PEX14: variants seen among roughly 807,000 people sequenced by gnomAD.
PEX14 encodes the protein peroxisomal membrane protein PEX14.
In PEX14, 15 loss-of-function variants were observed where a neutral mutation model predicts 49.5. The observed-to-expected ratio is 0.30, with a 90% CI of 0.20 to 0.47. The LOEUF (loss-of-function observed/expected upper bound fraction) is 0.47. Among genes scored for constraint, PEX14 ranks in the 20% least tolerant of loss-of-function variants. The pLI, the probability that PEX14 is intolerant of heterozygous loss-of-function variation, is 1.00. For missense variants in PEX14, 398 were observed against 494.8 expected, an observed-to-expected ratio of 0.80 and a Z score of 1.86; for synonymous variants, 210 against 212.7, an observed-to-expected ratio of 0.99 and a Z score of 0.11.
intron 3 of PEX14, among the ~76,000 whole-genome samples, chr1:10,593,812 G>A (rs533538192): frequency 2.0e-5 from 3 of 152,310 alleles, no homozygotes; most frequent in African/African-American, 2.4e-5. Context: ...AATAGAAGCC[G>A]TTGGCTTAAA....
intron 2 of PEX14, among the ~76,000 whole-genome samples, chr1:10,526,652 C>T (rs1469578224): frequency 4.6e-5 from 7 of 152,074 alleles, no homozygotes. Flanking sequence ...TGGATTTTTT[C>T]AGATTTTGGA....
At chr1:10,502,499 G>A (rs1641699212) in intron 2 of PEX14, among the ~76,000 whole-genome samples, 2 of 152,134 alleles carry the variant, frequency 1.3e-5, no homozygotes, top group Non-Finnish European at 1.5e-5. Context: ...TAAATGAAGA[G>A]GTTGCTTTCC....
At chr1:10,528,930 C>T (rs1415564151) in intron 2 of PEX14, among the ~76,000 whole-genome samples, 2 of 152,208 alleles carry the variant, frequency 1.3e-5, no homozygotes, top group Non-Finnish European at 2.9e-5. Context: ...GCATTTTCCT[C>T]CTCTTTTCAG....
At chr1:10,573,058 G>C (rs775421234) in intron 3 of PEX14, among the ~76,000 whole-genome samples, 8 of 152,190 alleles carry the variant, frequency 5.3e-5, no homozygotes, top group Admixed American at 2.0e-4. Context: ...CAGAAAAAAG[G>C]TAATGAATTG....
chr1:10,569,201 A>G (rs1344451214), intron 3 of PEX14, among the ~76,000 whole-genome samples: 1 of 152,238 alleles, frequency 6.6e-6, no homozygotes, highest in African/African-American at 2.4e-5. Flanking sequence ...ATAAATGTGA[A>G]AAGTATGTAA....
In PEX14 at chr1:10,535,887, A is replaced by G. The variant is rs1397343848; in HGVS notation, c.85-326A>G. 5 of 378,924 alleles carry G rather than the reference A, an allele frequency of 1.3e-5. No individual in the cohort carries two copies. In the Admixed American group the frequency reaches 1.8e-4, roughly 14 times the overall value. 23.5% of individuals were successfully genotyped at this position (378,924 alleles called of 1,614,324 possible). On this transcript the variant is annotated intron_variant, in intron 2 of 8. Transcript: ENST00000356607. ...CAGCATACAGGGCACAAGGGCGGCG[A>G]CATGGGTGCGCATGGCCACACCTGC...
intron 1 of PEX14, among the ~76,000 whole-genome samples, chr1:10,491,244 TAAA>T (rs200303853): frequency 6.6e-6 from 1 of 151,340 alleles, no homozygotes; most frequent in East Asian, 2.0e-4. Context: ...ATTAAAAAAA[TAAA>T]AAAAAGGCCA....
intron 3 of PEX14, among the ~76,000 whole-genome samples, chr1:10,573,982 TTCCCTGC>T (rs1319487633): frequency 1.3e-5 from 2 of 152,098 alleles, no homozygotes. Flanking sequence ...ATACCTGTAA[TTCCCTGC>T]TACTCCGGAG....
In PEX14 at chr1:10,518,875, T is replaced by C. The variant is rs150204285; in HGVS notation, c.85-17338T>C. Among the ~76,000 whole-genome samples, 346 of 152,204 alleles carry C rather than the reference T, an allele frequency of 2.3e-3. 2 individuals carry two copies. The highest frequency in any genetic ancestry group is 3.8e-3 in the Non-Finnish European group (256 of 68,002). ...TCCTTGATTTACAGTGCTCAGCTTGTTAGTGCCGGTGAAGGGGAGAGATGG... is the reference window on the plus strand; with the variant it reads ...TCCTTGATTTACAGTGCTCAGCTTGCTAGTGCCGGTGAAGGGGAGAGATGG... On this transcript the variant is annotated intron_variant, in intron 2 of 8. Transcript: ENST00000356607.
intron 4 of PEX14, among the ~76,000 whole-genome samples, chr1:10,609,527 T>C (rs1415826247): frequency 6.6e-6 from 1 of 152,218 alleles, no homozygotes; most frequent in African/African-American, 2.4e-5. Context: ...CCTTTTCCCC[T>C]GCCTCTGGTT....
intron 3 of PEX14, among the ~76,000 whole-genome samples, chr1:10,587,652 A>T (rs573630013): frequency 1.3e-5 from 2 of 152,214 alleles, no homozygotes; most frequent in Non-Finnish European, 2.9e-5. Flanking sequence ...CAAGTGGTAT[A>T]TTCAAGGTCC....
chr1:10,535,257 C>T (rs1174803743), intron 2 of PEX14, among the ~76,000 whole-genome samples: 1 of 152,198 alleles, frequency 6.6e-6, no homozygotes, highest in Non-Finnish European at 1.5e-5. Context: ...ACAAGCCAGG[C>T]GTAAACACAC....
At chr1:10,526,905 T>C (rs1012558616) in intron 2 of PEX14, among the ~76,000 whole-genome samples, 16 of 152,082 alleles carry the variant, frequency 1.1e-4, no homozygotes, top group African/African-American at 3.9e-4. Flanking sequence ...TCTTCTGTTT[T>C]CTGGTGGGTC....
chr1:10,588,415 G>A (rs1376125231), intron 3 of PEX14, among the ~76,000 whole-genome samples: 1 of 152,112 alleles, frequency 6.6e-6, no homozygotes, highest in African/African-American at 2.4e-5. Flanking sequence ...GCAGGAGTGG[G>A]AAGGAGACTG....
chr1:10,586,628 C>CTTT lies in PEX14; in HGVS notation c.170-12583_170-12581dup, dbSNP rs35743829. On this transcript the variant is annotated intron_variant, in intron 3 of 8. Coordinates refer to ENST00000356607, the MANE Select transcript of PEX14 (RefSeq NM_004565.3). ...ATGTTGAACAAAAGGAGCCGTTTAC[C>CTTT]TTTTTTTTTTTTTTTTTTTTTTTTT... is the stretch of plus-strand genomic sequence containing the variant. Among the ~76,000 whole-genome samples, 129 of 93,052 alleles carry CTTT rather than the reference C, an allele frequency of 1.4e-3. 4 individuals are homozygous for CTTT. The highest frequency in any genetic ancestry group is 2.1e-3 in the Non-Finnish European group (96 of 44,886). 61.0% of individuals were successfully genotyped at this position (93,052 alleles called of 152,430 possible).
Position 10,626,416 on chromosome 1 carries a change from G to GT in PEX14, c.586-852dup, listed in dbSNP as rs1641746423. Among the ~76,000 whole-genome samples, 3 of 152,196 alleles carry GT rather than the reference G, an allele frequency of 2.0e-5. 1 individual carries two copies. In the South Asian group the frequency reaches 6.2e-4, roughly 31 times the overall value. ...ACGCACTCACTCTCAGACTGCCCGGGTTTTCCTTCCTGAGACCTACAGGCC... is the reference window on the plus strand; with the variant it reads ...ACGCACTCACTCTCAGACTGCCCGGGTTTTTCCTTCCTGAGACCTACAGGCC... On this transcript the variant is annotated intron_variant, in intron 7 of 8. Transcript: ENST00000356607.
Position 10,504,436 on chromosome 1 carries a change from C to G in PEX14, c.84+9115C>G, listed in dbSNP as rs61367470. Among the ~76,000 whole-genome samples, 1,277 of 152,298 alleles carry G rather than the reference C, an allele frequency of 8.4e-3. 18 individuals carry two copies. The highest frequency in any genetic ancestry group is 0.029 in the African/African-American group (1,220 of 41,562). On this transcript the variant is annotated intron_variant, in intron 2 of 8. Transcript: ENST00000356607. ...GGAGCAGGAGTCTGGATAAATTACC[C>G]CTGTCAGGAAGAAGACATGCTGCCA...
intron 2 of PEX14, among the ~76,000 whole-genome samples, chr1:10,522,220 G>T (rs996920780): frequency 1.3e-5 from 2 of 152,200 alleles, no homozygotes; most frequent in Admixed American, 6.5e-5. Flanking sequence ...TTACTAAGCA[G>T]AGTAAGGGAA....
chr1:10,524,065 C>T (rs937899430), intron 2 of PEX14, among the ~76,000 whole-genome samples: 1 of 152,138 alleles, frequency 6.6e-6, no homozygotes, highest in Non-Finnish European at 1.5e-5. Context: ...GCCACTCGAG[C>T]GCTAATCAGA....
Sources: allele counts gnomAD v4.1 joint callset (sites outside exome capture counted in the v4.1 genomes callset), GRCh38; gene constraint gnomAD v4.1.1; transcripts MANE v1.5; gene names NCBI Gene and HGNC (gene_info 2026-07-23, HGNC 2026-07-21).